The following FNDC3B variants were observed in gnomAD, a reference collection of about 807,000 sequenced individuals.
FNDC3B encodes the protein fibronectin type III domain-containing protein 3B.
FNDC3B carries 12 observed loss-of-function variants against 151.5 expected under a neutral mutation model. The ratio of observed to expected loss-of-function variants is 0.08; its 90% CI spans 0.05 to 0.13. The LOEUF is 0.13. FNDC3B is among the 10% of genes least tolerant of loss of function. FNDC3B has a pLI of 1.00. For missense variants in FNDC3B, 1,214 were observed against 1,505.3 expected, an observed-to-expected ratio of 0.81 and a Z score of 3.20; for synonymous variants, 528 against 549.0, an observed-to-expected ratio of 0.96 and a Z score of 0.54.
chr3:172,318,194 A>C (rs1560075378), intron 11 of FNDC3B, among the ~76,000 whole-genome samples: 1 of 152,202 alleles, frequency 6.6e-6, no homozygotes, highest in African/African-American at 2.4e-5. Flanking sequence ...ATGCCACAGA[A>C]ATCAGGGGAA....
chr3:172,267,149 T>C (rs1728961949), intron 6 of FNDC3B, among the ~76,000 whole-genome samples: 2 of 151,818 alleles, frequency 1.3e-5, no homozygotes, highest in Non-Finnish European at 2.9e-5. Context: ...TAGGGAAATC[T>C]ACACACACAC....
chr3:172,346,907 T>G (rs1576933836), intron 20 of FNDC3B, among the ~76,000 whole-genome samples: 1 of 152,148 alleles, frequency 6.6e-6, no homozygotes, highest in East Asian at 1.9e-4. Context: ...TTTCACTGTG[T>G]TGGCCAGGCT....
At chr3:172,345,587 C>T (rs572345104) in intron 19 of FNDC3B, among the ~76,000 whole-genome samples, 2 of 152,168 alleles carry the variant, frequency 1.3e-5, no homozygotes, top group East Asian at 1.9e-4. Flanking sequence ...TTTGTTTCCC[C>T]CCTCCCCGCC....
At chr3:172,353,958 T>TG (rs1310384316) in intron 22 of FNDC3B, among the ~76,000 whole-genome samples, 16 of 9,248 alleles carry the variant, frequency 1.7e-3, no homozygotes, top group East Asian at 0.016. Context: ...TGTTTGATCT[T>TG]GGGGAAAAAA....
intron 3 of FNDC3B, among the ~76,000 whole-genome samples, chr3:172,218,705 C>G (rs766722253): frequency 4.6e-5 from 7 of 152,146 alleles, no homozygotes; most frequent in Non-Finnish European, 1.0e-4. Context: ...AAGTGTTGAT[C>G]AGAGAGTTTT....
At chr3:172,047,106 C>A (rs1716404730) in intron 1 of FNDC3B, among the ~76,000 whole-genome samples, 1 of 152,088 alleles carries the variant, frequency 6.6e-6, no homozygotes, top group Admixed American at 6.6e-5. Flanking sequence ...TCATAAAGGC[C>A]AACTAGTCAT....
intron 1 of FNDC3B, among the ~76,000 whole-genome samples, chr3:172,110,960 A>G (rs1386643563): frequency 4.6e-5 from 7 of 152,050 alleles, no homozygotes; most frequent in Admixed American, 1.3e-4. Flanking sequence ...TTAGGCGGGC[A>G]TAGTGGTGCG....
At chr3:172,158,058 C>T (rs546276529) in intron 3 of FNDC3B, among the ~76,000 whole-genome samples, 12 of 152,262 alleles carry the variant, frequency 7.9e-5, no homozygotes, top group Non-Finnish European at 1.6e-4. Context: ...CTATGAGGAA[C>T]GGGCTTTCAC....
chr3:172,156,485 C>T (rs1200016150), intron 3 of FNDC3B, among the ~76,000 whole-genome samples: 11 of 152,338 alleles, frequency 7.2e-5, no homozygotes. Flanking sequence ...CAGCCGCTTT[C>T]ACATGGGCTG....
At chr3:172,140,648 T>G (rs1298719910) in intron 3 of FNDC3B, among the ~76,000 whole-genome samples, 2 of 152,146 alleles carry the variant, frequency 1.3e-5, no homozygotes, top group Non-Finnish European at 2.9e-5. Context: ...AAGTCCAGGT[T>G]ATGGAAGGAA....
chr3:172,159,481 CAA>C (rs1491489589), intron 3 of FNDC3B, among the ~76,000 whole-genome samples: 1 of 152,158 alleles, frequency 6.6e-6, no homozygotes, highest in African/African-American at 2.4e-5. Flanking sequence ...AATAAGGACC[CAA>C]GAGAGAGATG....
chr3:172,330,410 A>G, intron 12 of FNDC3B, 131 bp from the exon 13 acceptor site: 1 of 696,022 alleles, frequency 1.4e-6, no homozygotes, highest in East Asian at 2.7e-5. Flanking sequence ...CACACACAGC[A>G]TCCTTACCTG....
At chr3:172,139,081 C>T (rs1721498148) in intron 3 of FNDC3B, among the ~76,000 whole-genome samples, 1 of 152,162 alleles carries the variant, frequency 6.6e-6, no homozygotes, top group South Asian at 2.1e-4. Context: ...CTCCCATCCC[C>T]CGCCCCTCCA....
intron 8 of FNDC3B, among the ~76,000 whole-genome samples, chr3:172,298,356 G>T (rs1023710455): frequency 6.6e-6 from 1 of 152,184 alleles, no homozygotes; most frequent in Admixed American, 6.5e-5. Flanking sequence ...TTCCTGCCAA[G>T]GTAAGTGTGG....
At chr3:172,049,069 A>C (rs996567110) in intron 1 of FNDC3B, among the ~76,000 whole-genome samples, 2 of 152,244 alleles carry the variant, frequency 1.3e-5, no homozygotes, top group African/African-American at 2.4e-5. Flanking sequence ...GAATGTATGT[A>C]ATGCCACTAA....
At chr3:172,331,993 T>C (rs1241128798) in intron 13 of FNDC3B, among the ~76,000 whole-genome samples, 1 of 152,140 alleles carries the variant, frequency 6.6e-6, no homozygotes, top group Non-Finnish European at 1.5e-5. Context: ...TGTTTTGAGA[T>C]GTAGTTTCGC....
chr3:172,050,700 C>CGTGT (rs71975191), intron 1 of FNDC3B, among the ~76,000 whole-genome samples: 3,803 of 145,038 alleles, frequency 0.026, 127 homozygotes, highest in African/African-American at 0.084. Context: ...GGTATATTTT[C>CGTGT]GTGTGTGTGT....
intron 11 of FNDC3B, among the ~76,000 whole-genome samples, chr3:172,315,395 T>C (rs1260256530): frequency 6.6e-6 from 1 of 152,132 alleles, no homozygotes; most frequent in Non-Finnish European, 1.5e-5. Context: ...AAAAAAGGAA[T>C]TTACAGGTGT....
intron 1 of FNDC3B, among the ~76,000 whole-genome samples, chr3:172,068,834 T>C (rs1717634512): frequency 6.6e-6 from 1 of 152,238 alleles, no homozygotes; most frequent in Admixed American, 6.5e-5. Context: ...ATGCTTTACA[T>C]GCATTTCTTC....
Sources: gnomAD v4.1 joint callset for allele counts (sites outside exome capture counted in the v4.1 genomes callset) on GRCh38, gnomAD v4.1.1 for gene constraint, MANE v1.5 for transcripts, NCBI Gene and HGNC (gene_info 2026-07-23, HGNC 2026-07-21) for gene names.